Variants in CAMK1D observed in about 807,000 individuals in gnomAD.
CAMK1D encodes calcium/calmodulin-dependent protein kinase type 1D.
In CAMK1D, 9 loss-of-function variants were observed where a neutral mutation model predicts 47.7. The observed-to-expected ratio is 0.19, with a 90% confidence interval of 0.11 to 0.33. CAMK1D has a LOEUF of 0.33. Among genes scored for constraint, CAMK1D ranks in the 10% least tolerant of loss-of-function variants. The probability of loss-of-function intolerance (pLI) is 1.00; values close to 1 mark genes in which losing one functional copy is unlikely to be tolerated. For synonymous variants in CAMK1D, 184 were observed against 184.9 expected (o/e 0.99, Z 0.04); for missense variants, 291 against 488.7 (o/e 0.60, Z 3.81).
chr10:12,743,355 A>AAAAAAAAAAAAAAAAAAAAAAAAAG (rs1461631779), intron 3 of CAMK1D, among the ~76,000 whole-genome samples: 1 of 118,156 alleles, frequency 8.5e-6, no homozygotes, highest in African/African-American at 2.8e-5. Flanking sequence ...TCAAAAAAAA[A>AAAAAAAAAAAAAAAAAAAAAAAAAG]AAAAGAAAAA....
chr10:12,614,670 G>A (rs1048921401), intron 2 of CAMK1D, among the ~76,000 whole-genome samples: 1 of 152,112 alleles, frequency 6.6e-6, no homozygotes, highest in African/African-American at 2.4e-5. Context: ...CTAAGTCCGG[G>A]TTGAGAGGCC....
chr10:12,650,610 G>C (rs942655995), intron 2 of CAMK1D, among the ~76,000 whole-genome samples: 3 of 152,118 alleles, frequency 2.0e-5, no homozygotes, highest in Non-Finnish European at 4.4e-5. Flanking sequence ...CATGTGCAGT[G>C]GACATGGCAA....
intron 1 of CAMK1D, among the ~76,000 whole-genome samples, chr10:12,413,235 G>T (rs2131947783): frequency 6.6e-6 from 1 of 152,268 alleles, no homozygotes; most frequent in African/African-American, 2.4e-5. Context: ...GTTACATGGT[G>T]AAAGCAGGAG....
chr10:12,542,856 C>T (rs1003077627), intron 1 of CAMK1D, among the ~76,000 whole-genome samples: 2 of 152,062 alleles, frequency 1.3e-5, no homozygotes, highest in Admixed American at 6.6e-5. Context: ...AGCAATTCTC[C>T]TGCCTCAGCC....
intron 1 of CAMK1D, among the ~76,000 whole-genome samples, chr10:12,398,282 A>G (rs1303879027): frequency 6.6e-6 from 1 of 152,174 alleles, no homozygotes; most frequent in East Asian, 1.9e-4. Flanking sequence ...TGCCAAAAAT[A>G]TGTATATACA....
chr10:12,614,900 C>T (rs1241327871), intron 2 of CAMK1D, among the ~76,000 whole-genome samples: 2 of 152,218 alleles, frequency 1.3e-5, no homozygotes, highest in Non-Finnish European at 2.9e-5. Context: ...AGCCCCAAGT[C>T]GCCATCCTTA....
chr10:12,604,242 G>A (rs1281975148), intron 2 of CAMK1D, among the ~76,000 whole-genome samples: 1 of 152,154 alleles, frequency 6.6e-6, no homozygotes, highest in Non-Finnish European at 1.5e-5. Flanking sequence ...CGTTCATTGT[G>A]AACGAATGTC....
chr10:12,743,577 A>G (rs1373434223), intron 3 of CAMK1D, among the ~76,000 whole-genome samples: 3 of 152,198 alleles, frequency 2.0e-5, no homozygotes, highest in African/African-American at 4.8e-5. Context: ...GTACTTTAAT[A>G]TGTTCACAGA....
chr10:12,824,441 G>A (rs1833125922), intron 8 of CAMK1D, 24 bp from the exon 9 acceptor site: 3 of 1,608,534 alleles, frequency 1.9e-6, no homozygotes, highest in Middle Eastern at 1.7e-4. Context: ...GCACTTCAGA[G>A]CAGCACCTTT....
At chr10:12,668,055 G>A (rs1840487879) in intron 3 of CAMK1D, among the ~76,000 whole-genome samples, 1 of 152,112 alleles carries the variant, frequency 6.6e-6, no homozygotes, top group African/African-American at 2.4e-5. Context: ...TTTACTTCTT[G>A]GTTACCATGT....
chr10:12,694,088 A>ATATATAT (rs1491145341), intron 3 of CAMK1D, among the ~76,000 whole-genome samples: 2,896 of 21,662 alleles, frequency 0.13, 365 homozygotes, highest in Non-Finnish European at 0.15. Context: ...ATTATGTATA[A>ATATATAT]TATATATTAT....
At chr10:12,824,012 G>A (rs1292749930) in intron 8 of CAMK1D, among the ~76,000 whole-genome samples, 2 of 152,036 alleles carry the variant, frequency 1.3e-5, no homozygotes, top group Non-Finnish European at 2.9e-5. Context: ...AAGCAAGGCC[G>A]GGAAGGGGTC....
At chr10:12,564,217 C>T (rs992903904) in intron 2 of CAMK1D, among the ~76,000 whole-genome samples, 3 of 150,446 alleles carry the variant, frequency 2.0e-5, no homozygotes, top group African/African-American at 7.4e-5. Context: ...GAATAGCTTA[C>T]ATTGGAGAAC....
At position 12,750,951 on chromosome 10, in the gene CAMK1D, T is replaced by C. The variant is rs570640655; in HGVS notation, c.300-9997T>C. Reference sequence around the variant, plus strand: ...CTGTAATTCCAGCTACTCTGGATGCTGAGGCTGGAGAATTGCCGGAGCCCA... The same window carrying C: ...CTGTAATTCCAGCTACTCTGGATGCCGAGGCTGGAGAATTGCCGGAGCCCA... On this transcript the variant is annotated intron_variant, in intron 3 of 10. Transcript: ENST00000619168. Among the ~76,000 whole-genome samples the C allele has an allele frequency of 2.0e-5, 3 of 152,282 alleles. No individual in the cohort carries two copies. The South Asian group carries it at 6.2e-4, about 32-fold the overall frequency.
intron 2 of CAMK1D, among the ~76,000 whole-genome samples, chr10:12,579,892 G>T (rs968559493): frequency 6.6e-6 from 1 of 152,102 alleles, no homozygotes; most frequent in African/African-American, 2.4e-5. Flanking sequence ...TCACGGAGTG[G>T]CTTTGAGTTT....
At chr10:12,707,293 A>C (rs1242065127) in intron 3 of CAMK1D, among the ~76,000 whole-genome samples, 1 of 152,218 alleles carries the variant, frequency 6.6e-6, no homozygotes, top group African/African-American at 2.4e-5. Flanking sequence ...GCATATCAGA[A>C]GTAGTATTAT....
At chr10:12,824,151 C>T (rs1833111743) in intron 8 of CAMK1D, among the ~76,000 whole-genome samples, 1 of 151,886 alleles carries the variant, frequency 6.6e-6, no homozygotes, top group African/African-American at 2.4e-5. Flanking sequence ...ACTGTGGATT[C>T]TGATGTTGCA....
rs750447013 is a variant in CAMK1D, at chr10:12,672,896, C to CTTTTTTTTT, written c.299+6097_299+6105dup. 6.8e-4 allele frequency among the ~76,000 whole-genome samples: 52 copies of CTTTTTTTTT among 76,486 alleles called. 1 individual carries two copies. Among genetic ancestry groups the CTTTTTTTTT allele is most frequent in the East Asian group, 2.8e-3 (8 of 2,832 alleles). The allele number at this position is 76,486 out of a possible 152,430, so 50.2% of individuals were successfully genotyped here. A position where few individuals can be genotyped will look rare whatever the true frequency, so the allele number is the denominator to read the frequency against. The stretch of plus-strand genomic sequence containing the variant: ...CATGTAAGTTTTAGAATAGGCTTGC[C>CTTTTTTTTT]TTTTTTTTTTTTTTTTTTTAGTCAG... On this transcript the variant is annotated intron_variant, in intron 3 of 10. Transcript: ENST00000619168.
intron 2 of CAMK1D, among the ~76,000 whole-genome samples, chr10:12,609,761 A>G (rs547065826): frequency 6.6e-6 from 1 of 152,128 alleles, no homozygotes; most frequent in Non-Finnish European, 1.5e-5. Flanking sequence ...CAGGCCACAG[A>G]CTGGTACCAG....
Sources: allele counts gnomAD v4.1 joint callset (sites outside exome capture counted in the v4.1 genomes callset), GRCh38; gene constraint gnomAD v4.1.1; transcripts MANE v1.5; gene names NCBI Gene and HGNC (gene_info 2026-07-23, HGNC 2026-07-21).